Variants in EPHA5 observed in about 807,000 individuals in gnomAD.
EPHA5 encodes the protein ephrin type-A receptor 5.
EPHA5 carries 60 observed loss-of-function variants against 105.0 expected under a neutral mutation model. The ratio of observed to expected loss-of-function variants is 0.57; its 90% CI spans 0.46 to 0.71. The LOEUF (loss-of-function observed/expected upper bound fraction) is 0.71. Ranked by LOEUF, EPHA5 falls within the 30% of genes least tolerant of loss-of-function variation. EPHA5 has a pLI of 0.00. For synonymous variants in EPHA5, 513 were observed against 449.1 expected, an observed-to-expected ratio of 1.14 and a Z score of -1.80; for missense variants, 1,218 against 1,274.7, an observed-to-expected ratio of 0.96 and a Z score of 0.68.
intron 5 of EPHA5, among the ~76,000 whole-genome samples, chr4:65,483,010 C>T (rs571475444): frequency 3.6e-4 from 55 of 152,208 alleles, no homozygotes; most frequent in African/African-American, 9.9e-4. Context: ...TCCCTCCTCA[C>T]GCCCTCCACC....
intron 3 of EPHA5, among the ~76,000 whole-genome samples, chr4:65,551,254 ATGTG>A (rs71657186): frequency 3.2e-4 from 45 of 141,588 alleles, no homozygotes; most frequent in Non-Finnish European, 5.6e-4. Context: ...ATATTTATAT[ATGTG>A]TGTGTGTGTG....
At position 65,323,698 on chromosome 4, in the gene EPHA5, T is replaced by C. The variant is rs1719815729; in HGVS notation, c.*416A>G. 1 of 230,832 alleles carries C rather than the reference T, an allele frequency of 4.3e-6. No homozygotes were observed. The highest frequency in any genetic ancestry group is 2.2e-5 in the African/African-American group (1 of 45,166). 14.3% of individuals were successfully genotyped at this position (230,832 alleles called of 1,614,324 possible). ...AGACTTGAAGTAAACTTCAGTAAAC[T>C]GTAGCTTTTGTTAGCTCACAAATGG... On this transcript the variant is annotated 3_prime_UTR_variant, in exon 17 of 17. Coordinates refer to ENST00000613740, the MANE Select transcript of EPHA5 (RefSeq NM_001281766.3).
chr4:65,667,983 A>G (rs1175218186), intron 1 of EPHA5, among the ~76,000 whole-genome samples: 1 of 152,200 alleles, frequency 6.6e-6, no homozygotes, highest in African/African-American at 2.4e-5. Context: ...GGTGTTAATA[A>G]AAGGTCTACG....
intron 3 of EPHA5, among the ~76,000 whole-genome samples, chr4:65,575,779 C>T (rs1174038893): frequency 6.6e-6 from 1 of 151,568 alleles, no homozygotes; most frequent in African/African-American, 2.4e-5. Context: ...TGAGACCAGC[C>T]CAGCCTGGTC....
rs181113462 is a variant in EPHA5 at position 65,585,801 on chromosome 4, T to C, written c.910+15840A>G. 1.1e-3 allele frequency among the ~76,000 whole-genome samples: 172 copies of C among 151,802 alleles called. 1 individual carries two copies. Among genetic ancestry groups the C allele is most frequent in the Middle Eastern group, 3.4e-3 (1 of 294 alleles). Reference sequence around the variant, plus strand: ...TTAAAATTATGAATTAGGAACAATTTACACAAAATAAAGGAGCATATGTTT... The same window carrying C: ...TTAAAATTATGAATTAGGAACAATTCACACAAAATAAAGGAGCATATGTTT... On this transcript the variant is annotated intron_variant, in intron 3 of 16. Coordinates refer to ENST00000613740, the MANE Select transcript of EPHA5 (RefSeq NM_001281766.3).
intron 5 of EPHA5, among the ~76,000 whole-genome samples, chr4:65,478,776 C>T (rs1730077329): frequency 6.6e-6 from 1 of 151,786 alleles, no homozygotes; most frequent in African/African-American, 2.4e-5. Context: ...CCGGCTTTGA[C>T]CCTGTTAATA....
chr4:65,332,304 A>G (rs1235170115), intron 15 of EPHA5, among the ~76,000 whole-genome samples, 176 bp from the exon 16 acceptor site: 1 of 151,848 alleles, frequency 6.6e-6, no homozygotes, highest in African/African-American at 2.4e-5. Context: ...AGAACACAAA[A>G]TCAGTCTACT....
At chr4:65,580,131 A>G (rs1309150176) in intron 3 of EPHA5, among the ~76,000 whole-genome samples, 2 of 151,802 alleles carry the variant, frequency 1.3e-5, no homozygotes, top group Non-Finnish European at 2.9e-5. Context: ...ATGTTTAGTC[A>G]CTTTTTGAAA....
chr4:65,669,885 G>T lies in EPHA5; in HGVS notation c.-143C>A. On this transcript the variant is annotated 5_prime_UTR_variant, in exon 1 of 17. Transcript: ENST00000613740. Reference sequence around the variant, plus strand: ...CTTCTGGCACGCGGCTCCTCCAAATGTAGGAACCACGGATCCGGCTGAGAC... The same window carrying T: ...CTTCTGGCACGCGGCTCCTCCAAATTTAGGAACCACGGATCCGGCTGAGAC... 8.4e-7 allele frequency: 1 copy of T among 1,183,712 alleles called. No individual in the cohort carries two copies. 73.3% of individuals were successfully genotyped at this position (1,183,712 alleles called of 1,614,324 possible). A position where few individuals can be genotyped will look rare whatever the true frequency, so the allele number is the denominator to read the frequency against.
intron 2 of EPHA5, among the ~76,000 whole-genome samples, chr4:65,603,389 A>G (rs917662058): frequency 4.6e-5 from 7 of 152,162 alleles, no homozygotes; most frequent in Admixed American, 3.3e-4. Context: ...AAATCTTTAA[A>G]ATACCACTGG....
intron 1 of EPHA5, among the ~76,000 whole-genome samples, chr4:65,653,365 T>G (rs1748775565): frequency 6.6e-6 from 1 of 152,104 alleles, no homozygotes; most frequent in Non-Finnish European, 1.5e-5. Context: ...TAATGATTTT[T>G]ATCTAAAATT....
At chr4:65,669,319 C>T in intron 1 of EPHA5, 3 of 898,992 alleles carry the variant, frequency 3.3e-6, no homozygotes, top group Non-Finnish European at 4.0e-6. Flanking sequence ...CCCAGCCCCC[C>T]AACCAGCCTC....
intron 5 of EPHA5, among the ~76,000 whole-genome samples, chr4:65,474,735 C>G (rs1178970094): frequency 6.6e-6 from 1 of 152,030 alleles, no homozygotes; most frequent in East Asian, 1.9e-4. Context: ...AGTAATGTAT[C>G]CAATGAACGG....
intron 11 of EPHA5, among the ~76,000 whole-genome samples, chr4:65,362,645 C>A (rs1717435453): frequency 6.6e-6 from 1 of 151,624 alleles, no homozygotes; most frequent in African/African-American, 2.4e-5. Context: ...ATAGAATTCA[C>A]AGAATCTAGA....
intron 1 of EPHA5, among the ~76,000 whole-genome samples, chr4:65,656,014 A>T (rs1560828357): frequency 6.6e-6 from 1 of 151,932 alleles, no homozygotes; most frequent in Non-Finnish European, 1.5e-5. Flanking sequence ...AAGTACAAGC[A>T]TATGGAGGGA....
chr4:65,399,312 T>A (rs1449464932), intron 8 of EPHA5, among the ~76,000 whole-genome samples: 2 of 152,228 alleles, frequency 1.3e-5, no homozygotes, highest in East Asian at 3.9e-4. Context: ...GTGTGCTCAG[T>A]GGCCAGACCC....
intron 3 of EPHA5, among the ~76,000 whole-genome samples, chr4:65,504,402 A>G (rs1732801210): frequency 6.6e-6 from 1 of 151,236 alleles, no homozygotes; most frequent in Non-Finnish European, 1.5e-5. Flanking sequence ...AATTCACCAA[A>G]TAATCTAGGA....
chr4:65,609,662 G>C (rs147756718), intron 2 of EPHA5, among the ~76,000 whole-genome samples: 1 of 140,928 alleles, frequency 7.1e-6, no homozygotes, highest in Non-Finnish European at 1.5e-5. Context: ...TTCATTCAAT[G>C]TTGTCATTGT....
intron 6 of EPHA5, among the ~76,000 whole-genome samples, chr4:65,419,277 G>A (rs1032444379): frequency 5.3e-5 from 8 of 152,012 alleles, no homozygotes; most frequent in African/African-American, 1.9e-4. Flanking sequence ...TTTCATGATG[G>A]TGAGGAGAAC....
Sources: gnomAD v4.1 joint callset for allele counts (sites outside exome capture counted in the v4.1 genomes callset) on GRCh38, gnomAD v4.1.1 for gene constraint, MANE v1.5 for transcripts, NCBI Gene and HGNC (gene_info 2026-07-23, HGNC 2026-07-21) for gene names.